The following LONRF2 variants were observed in gnomAD, a reference collection of about 807,000 sequenced individuals.
LONRF2 encodes the protein LON peptidase N-terminal domain and ring finger 2, also known as LON peptidase N-terminal domain and RING finger protein 2.
A neutral mutation model predicts 66.6 loss-of-function variants in LONRF2; 35 were observed. That is an observed-to-expected ratio of 0.53 (90% CI 0.40 to 0.70). LONRF2 has a LOEUF of 0.70. Ranked by LOEUF, LONRF2 falls within the 30% of genes least tolerant of loss-of-function variation. The pLI, the probability that LONRF2 is intolerant of heterozygous loss-of-function variation, is 0.00. For synonymous variants in LONRF2, 417 were observed against 418.1 expected (o/e 1.00, Z 0.03); for missense variants, 902 against 1,002.1 (o/e 0.90, Z 1.35).
Position 100,321,910 on chromosome 2 carries a change from G to A in LONRF2, c.184C>T (p.Leu62=), listed in dbSNP as rs2104226460. 1 of 1,339,352 alleles carries A rather than the reference G, an allele frequency of 7.5e-7. No homozygotes were observed. The highest frequency in any genetic ancestry group is 1.9e-5 in the South Asian group (1 of 53,792). 83.0% of individuals were successfully genotyped at this position (1,339,352 alleles called of 1,614,324 possible). The change falls in exon 1 of 12, where the codon CTG becomes TTG. Residue 62 remains leucine (L), a synonymous_variant. Transcript: ENST00000393437. ...GLAQPDRGLC[L]RLGDALARAG... Reference sequence around the variant, plus strand: ...CGGGCCAGCGCGTCCCCCAGCCTCAGGCACAGGCCGCGGTCCGGCTGCGCC... The same window carrying A: ...CGGGCCAGCGCGTCCCCCAGCCTCAAGCACAGGCCGCGGTCCGGCTGCGCC...
At chr2:100,308,034 T>G (rs1675331750) in intron 2 of LONRF2, among the ~76,000 whole-genome samples, 1 of 152,308 alleles carries the variant, frequency 6.6e-6, no homozygotes, top group Admixed American at 6.5e-5. Context: ...ATCCCTAAGT[T>G]GAACTTGACA....
At chr2:100,308,727 T>C (rs1268783160) in intron 2 of LONRF2, among the ~76,000 whole-genome samples, 1 of 152,252 alleles carries the variant, frequency 6.6e-6, no homozygotes, top group East Asian at 1.9e-4. Flanking sequence ...TTCATATGCA[T>C]ATTAGGACCC....
intron 4 of LONRF2, 109 bp from the exon 5 acceptor site, chr2:100,300,027 G>GC: frequency 4.2e-6 from 2 of 473,240 alleles, no homozygotes; most frequent in Non-Finnish European, 7.5e-6. Context: ...AAAGGGGGGG[G>GC]CATACACTCT....
At chr2:100,298,081 C>A (rs1165876033) in intron 7 of LONRF2, among the ~76,000 whole-genome samples, 1 of 152,078 alleles carries the variant, frequency 6.6e-6, no homozygotes, top group Non-Finnish European at 1.5e-5. Context: ...TTAATGAATG[C>A]AAAACAAAGG....
chr2:100,310,868 T>G (rs999386504), intron 1 of LONRF2, among the ~76,000 whole-genome samples: 1 of 152,186 alleles, frequency 6.6e-6, no homozygotes, highest in Non-Finnish European at 1.5e-5. Flanking sequence ...ATTTAAAATA[T>G]GGTAACAATA....
intron 1 of LONRF2, among the ~76,000 whole-genome samples, chr2:100,312,289 T>C (rs1015344483): frequency 4.6e-5 from 7 of 152,186 alleles, no homozygotes; most frequent in African/African-American, 1.7e-4. Flanking sequence ...AAATATCCTT[T>C]TATATCCGCA....
intron 9 of LONRF2, 46 bp from the exon 10 acceptor site, chr2:100,290,466 G>T (rs780167369): frequency 6.4e-7 from 1 of 1,559,696 alleles, no homozygotes; most frequent in East Asian, 2.3e-5. Flanking sequence ...TAAAATGCAG[G>T]GGGCCTTCTT....
At position 100,322,042 on chromosome 2, in the gene LONRF2, C is replaced by T. The variant is rs1168255289; in HGVS notation, c.52G>A (p.Asp18Asn). 1.5e-6 allele frequency: 2 copies of T among 1,347,552 alleles called. No individual in the cohort carries two copies. Among genetic ancestry groups the T allele is most frequent in the Non-Finnish European group, 9.5e-7 (1 of 1,049,966 alleles). 83.5% of individuals were successfully genotyped at this position (1,347,552 alleles called of 1,614,324 possible). ...PPPPPQCPGC[D>N]RAEPIAQRLE... Reference sequence around the variant, plus strand: ...CGCTGGGCGATCGGCTCCGCGCGGTCGCAGCCAGGACACTGGGGCGGCGGC... The same window carrying T: ...CGCTGGGCGATCGGCTCCGCGCGGTTGCAGCCAGGACACTGGGGCGGCGGC... Residue 18 changes from aspartate (D) to asparagine (N), a missense_variant, in exon 1 of 12, where the codon GAC (aspartate) becomes AAC (asparagine). Asp to Asn is a conservative substitution (Grantham distance 23). This residue lies in a region of LONRF2 where 585 missense variants were observed against 569.9 expected (regional missense o/e 1.03). Coordinates refer to ENST00000393437, the MANE Select transcript of LONRF2 (RefSeq NM_198461.4).
chr2:100,308,878 A>G (rs13001423), intron 2 of LONRF2, among the ~76,000 whole-genome samples: 67,965 of 151,972 alleles, frequency 0.45, 15,959 homozygotes, highest in East Asian at 0.71. Flanking sequence ...TCAGCTAAAT[A>G]TCTATTAAGT....
intron 1 of LONRF2, 29 bp from the exon 2 acceptor site, chr2:100,309,254 A>G (rs1303859283): frequency 1.4e-6 from 2 of 1,423,616 alleles, no homozygotes; most frequent in African/African-American, 2.9e-5. Flanking sequence ...ACAAATCAAT[A>G]AAAATGACTG....
chr2:100,307,022 G>A (rs1353165381), intron 2 of LONRF2, among the ~76,000 whole-genome samples: 2 of 150,548 alleles, frequency 1.3e-5, no homozygotes, highest in Non-Finnish European at 2.9e-5. Flanking sequence ...CCGGGTTGAC[G>A]CCATTCTCCT....
chr2:100,289,016 C>T (rs918104065), intron 10 of LONRF2, among the ~76,000 whole-genome samples: 2 of 152,124 alleles, frequency 1.3e-5, no homozygotes, highest in Admixed American at 6.5e-5. Flanking sequence ...TTCTATTAGA[C>T]ACATGAAAAA....
chr2:100,286,791 C>T, intron 11 of LONRF2, 123 bp downstream of exon 11: 1 of 1,126,166 alleles, frequency 8.9e-7, no homozygotes, highest in Non-Finnish European at 1.2e-6. Flanking sequence ...AGTAGATGAA[C>T]TGGTTCATAA....
rs1008370888 is a variant in LONRF2 at position 100,279,594 on chromosome 2, G to C, written c.*4704C>G. The C allele has an allele frequency of 6.6e-6, 1 of 152,006 alleles. No homozygotes were observed. The highest frequency in any genetic ancestry group is 2.4e-5 in the African/African-American group (1 of 41,384). 9.4% of individuals were successfully genotyped at this position (152,006 alleles called of 1,614,324 possible). A position where few individuals can be genotyped will look rare whatever the true frequency, so the allele number is the denominator to read the frequency against. ...ATTTTATGATATTTTGACATCTCAG[G>C]GGCCTCGCTGACCCAGGAGAAACTG... On this transcript the variant is annotated 3_prime_UTR_variant, in exon 12 of 12. Coordinates refer to ENST00000393437, the MANE Select transcript of LONRF2 (RefSeq NM_198461.4).
At position 100,321,533 on chromosome 2, in the gene LONRF2, C is replaced by G; in HGVS notation, c.561G>C (p.Leu187=). 3 of 1,552,424 alleles carry G rather than the reference C, an allele frequency of 1.9e-6. No homozygotes were observed. Among genetic ancestry groups the G allele is most frequent in the Non-Finnish European group, 2.6e-6 (3 of 1,161,198 alleles). ...GGCACTCGGCCGGGAAGCACTTCTC[C>G]AGCAGGCCGCTCAGCACCACGTTCA... is the stretch of plus-strand genomic sequence containing the variant. The part of the protein sequence containing the change: ...RRVNVVLSGL[L]EKCFPAECRL... The change falls in exon 1 of 12, where the codon CTG becomes CTC. Residue 187 remains leucine, a synonymous_variant. Transcript: ENST00000393437.
chr2:100,302,377 A>G (rs1675202058), intron 3 of LONRF2, among the ~76,000 whole-genome samples: 1 of 152,246 alleles, frequency 6.6e-6, no homozygotes, highest in Non-Finnish European at 1.5e-5. Flanking sequence ...TTGACAATAA[A>G]CAGTGTTAAA....
At chr2:100,320,851 T>C (rs1048072520) in intron 1 of LONRF2, among the ~76,000 whole-genome samples, 1 of 152,146 alleles carries the variant, frequency 6.6e-6, no homozygotes, top group African/African-American at 2.4e-5. Flanking sequence ...AATTTAAAAC[T>C]ACACACACTA....
Position 100,299,263 on chromosome 2 carries a change from G to A in LONRF2, c.1324C>T (p.Leu442Phe). 1 of 1,594,764 alleles carries A rather than the reference G, an allele frequency of 6.3e-7. No individual in the cohort carries two copies. Residue 442 changes from leucine (L) to phenylalanine (F), a missense_variant, in exon 6 of 12, where the codon CTT becomes TTT. By Grantham distance (22) the Leu-to-Phe change is conservative. This residue lies in a region of LONRF2 where 317 missense variants were observed against 432.2 expected (regional missense o/e 0.73). Transcript: ENST00000393437. ...GCACACTCAAAGTCAGTTACATCAAGCGAGAGCCCCTGACTTTCTTCTGTC... is the reference window on the plus strand; with the variant it reads ...GCACACTCAAAGTCAGTTACATCAAACGAGAGCCCCTGACTTTCTTCTGTC... ...SETEESQGLS[L>F]DVTDFECALC...
rs1674582064 is a variant in LONRF2, at chr2:100,275,489, T to C, written c.*8809A>G. 6.6e-6 allele frequency: 1 copy of C among 152,230 alleles called. No individual in the cohort carries two copies. The highest frequency in any genetic ancestry group is 1.5e-5 in the Non-Finnish European group (1 of 68,050). 9.4% of individuals were successfully genotyped at this position (152,230 alleles called of 1,614,324 possible). A position where few individuals can be genotyped will look rare whatever the true frequency, so the allele number is the denominator to read the frequency against. On this transcript the variant is annotated 3_prime_UTR_variant, in exon 12 of 12. Coordinates refer to ENST00000393437, the MANE Select transcript of LONRF2 (RefSeq NM_198461.4). ...ATCTGGGTGTTGGTCTCCAAAGCGC[T>C]GCAGGGATCCTCCGGCCATGCGGCC...
Sources: allele counts gnomAD v4.1 joint callset (sites outside exome capture counted in the v4.1 genomes callset), GRCh38; gene constraint gnomAD v4.1.1; regional missense constraint gnomAD v4.1.1; transcripts MANE v1.5; gene names NCBI Gene and HGNC (gene_info 2026-07-23, HGNC 2026-07-21).